The following DLG2 variants were observed in gnomAD, a reference collection of about 807,000 sequenced individuals.
The protein encoded by DLG2 is discs large MAGUK scaffold protein 2.
In DLG2, 45 loss-of-function variants were observed where a neutral mutation model predicts 132.5. The observed-to-expected ratio is 0.34, with a 90% CI of 0.27 to 0.44. DLG2 has a LOEUF of 0.44. DLG2 is among the 20% of genes least tolerant of loss of function. The pLI, the probability that DLG2 is intolerant of heterozygous loss-of-function variation, is 1.00. For missense variants in DLG2, 1,045 were observed against 1,196.9 expected, an observed-to-expected ratio of 0.87 and a Z score of 1.87; for synonymous variants, 424 against 419.6, an observed-to-expected ratio of 1.01 and a Z score of -0.13.
At chr11:83,986,228 G>C (rs1281018430) in intron 11 of DLG2, among the ~76,000 whole-genome samples, 1 of 117,740 alleles carries the variant, frequency 8.5e-6, no homozygotes, top group Non-Finnish European at 1.7e-5. Context: ...CCCCACAACA[G>C]TCCCCAGAGT....
intron 11 of DLG2, among the ~76,000 whole-genome samples, chr11:84,052,720 G>A (rs917991027): frequency 2.0e-5 from 3 of 149,722 alleles, no homozygotes; most frequent in African/African-American, 7.4e-5. Flanking sequence ...ATGCAGGCAA[G>A]GTTGTGGAGA....
rs189968772 is a variant in DLG2 at position 85,266,332 on chromosome 11, G to C, written c.186+18888C>G. 2.0e-5 allele frequency among the ~76,000 whole-genome samples: 3 copies of C among 152,226 alleles called. No homozygotes were observed. In the East Asian group the frequency reaches 5.8e-4, roughly 29 times the overall value. The stretch of plus-strand genomic sequence containing the variant: ...CCTCTTGCCAGTGCCAAAGCAGCCA[G>C]CCATTCCCATACTTGTGTGCTTGTG... On this transcript the variant is annotated intron_variant, in intron 4 of 27. Coordinates refer to ENST00000376104, the MANE Select transcript of DLG2 (RefSeq NM_001142699.3).
intron 3 of DLG2, among the ~76,000 whole-genome samples, chr11:85,591,585 A>G (rs2079341707): frequency 6.6e-6 from 1 of 152,192 alleles, no homozygotes; most frequent in Non-Finnish European, 1.5e-5. Context: ...CTAAAAAAAA[A>G]TACAAAAATT....
chr11:84,808,751 C>G (rs781607022), intron 6 of DLG2, among the ~76,000 whole-genome samples: 3 of 151,784 alleles, frequency 2.0e-5, no homozygotes, highest in African/African-American at 7.3e-5. Context: ...ACAAGCAACC[C>G]AATATGTGAT....
intron 4 of DLG2, among the ~76,000 whole-genome samples, chr11:85,197,294 G>A (rs1005711700): frequency 6.6e-6 from 1 of 151,928 alleles, no homozygotes; most frequent in Admixed American, 6.6e-5. Flanking sequence ...CTTGATCCTA[G>A]ATATCTTTGG....
chr11:84,989,373 A>G (rs937455066), intron 6 of DLG2, among the ~76,000 whole-genome samples: 6 of 152,060 alleles, frequency 3.9e-5, no homozygotes, highest in Non-Finnish European at 7.4e-5. Flanking sequence ...ATGGGGTTTC[A>G]CCATGTTGGC....
chr11:84,992,638 A>G (rs2057248258), intron 6 of DLG2, among the ~76,000 whole-genome samples: 1 of 152,192 alleles, frequency 6.6e-6, no homozygotes, highest in Non-Finnish European at 1.5e-5. Flanking sequence ...CATTTATCTA[A>G]TGACCAGTGA....
chr11:83,606,693 T>C (rs191037976), intron 19 of DLG2, among the ~76,000 whole-genome samples: 2,820 of 151,158 alleles, frequency 0.019, 106 homozygotes, highest in African/African-American at 0.065. Context: ...TTTGGGAGGC[T>C]GAGGCGGGCG....
intron 11 of DLG2, among the ~76,000 whole-genome samples, chr11:84,057,005 C>T (rs2096513628): frequency 6.6e-6 from 1 of 152,200 alleles, no homozygotes; most frequent in East Asian, 1.9e-4. Context: ...ACCAAGCTCA[C>T]TTGTAACCCC....
intron 6 of DLG2, among the ~76,000 whole-genome samples, chr11:84,886,839 CTAAT>C (rs1433822794): frequency 6.6e-6 from 1 of 152,150 alleles, no homozygotes; most frequent in Non-Finnish European, 1.5e-5. Flanking sequence ...ATTAAGCATG[CTAAT>C]GCATAATTCT....
intron 6 of DLG2, among the ~76,000 whole-genome samples, chr11:84,689,370 A>C (rs75984246): frequency 0.015 from 2,259 of 151,196 alleles, 66 homozygotes; most frequent in African/African-American, 0.051. Flanking sequence ...TTCTATTGAG[A>C]AACAATTAAG....
At chr11:83,732,778 G>T (rs2091248125) in intron 18 of DLG2, among the ~76,000 whole-genome samples, 1 of 152,154 alleles carries the variant, frequency 6.6e-6, no homozygotes, top group Non-Finnish European at 1.5e-5. Context: ...AAGTTCAGAT[G>T]GAAGCTCTTT....
chr11:84,743,474 C>G (rs1004406890), intron 6 of DLG2, among the ~76,000 whole-genome samples: 6 of 152,066 alleles, frequency 3.9e-5, no homozygotes, highest in African/African-American at 1.4e-4. Context: ...TCATTGAGTT[C>G]TATGACACTT....
chr11:85,123,374 T>C (rs1015182289), intron 5 of DLG2, among the ~76,000 whole-genome samples: 1 of 152,060 alleles, frequency 6.6e-6, no homozygotes, highest in African/African-American at 2.4e-5. Context: ...AGGGATTCTA[T>C]TGTAGAAATC....
chr11:83,779,189 G>A (rs1027257194), intron 18 of DLG2, among the ~76,000 whole-genome samples: 1 of 152,054 alleles, frequency 6.6e-6, no homozygotes, highest in Non-Finnish European at 1.5e-5. Context: ...CAAGCTTATT[G>A]ATAACAGATA....
At chr11:84,335,132 A>T (rs2098477746) in intron 7 of DLG2, among the ~76,000 whole-genome samples, 1 of 150,282 alleles carries the variant, frequency 6.7e-6, no homozygotes, top group Admixed American at 6.7e-5. Context: ...AAAAAAGAAT[A>T]AAGCAAGAAA....
intron 7 of DLG2, among the ~76,000 whole-genome samples, chr11:84,401,881 CA>C (rs2098830903): frequency 6.6e-6 from 1 of 152,112 alleles, no homozygotes; most frequent in African/African-American, 2.4e-5. Flanking sequence ...GGTTTCACGT[CA>C]CTTTTTAGCA....
chr11:83,466,934 G>A (rs1451936961), intron 25 of DLG2, 117 bp from the exon 26 acceptor site: 1 of 656,388 alleles, frequency 1.5e-6, no homozygotes, highest in African/African-American at 1.8e-5. Flanking sequence ...GATTTCTAAA[G>A]TCAGAAAAAG....
At chr11:84,316,443 A>T (rs2098356389) in intron 7 of DLG2, among the ~76,000 whole-genome samples, 1 of 152,178 alleles carries the variant, frequency 6.6e-6, no homozygotes, top group Admixed American at 6.5e-5. Context: ...CTTTAAAGAG[A>T]TGGAAAGTTT....
Sources: gnomAD v4.1 joint callset for allele counts (sites outside exome capture counted in the v4.1 genomes callset) on GRCh38, gnomAD v4.1.1 for gene constraint, MANE v1.5 for transcripts, NCBI Gene and HGNC (gene_info 2026-07-23, HGNC 2026-07-21) for gene names.